The following POF1B variants were observed in gnomAD, a reference collection of about 807,000 sequenced individuals.
POF1B encodes the protein protein POF1B.
Under a neutral mutation model 55.3 loss-of-function variants are expected in POF1B, and 53 were observed. The observed-to-expected ratio is 0.96, with a 90% CI of 0.77 to 1.20. The LOEUF (loss-of-function observed/expected upper bound fraction) is 1.20. Ranked by LOEUF, POF1B falls within the 50% of genes most tolerant of loss-of-function variation. The pLI is 0.00. For missense variants in POF1B, 478 were observed against 420.5 expected (o/e 1.14, Z -1.20); for synonymous variants, 188 against 148.3 (o/e 1.27, Z -1.95).
intron 2 of POF1B, among the ~76,000 whole-genome samples, chrX:85,372,230 G>A (rs1933836420): frequency 1.8e-5 from 2 of 108,873 alleles, no homozygotes; most frequent in African/African-American, 6.7e-5. Context: ...TATATTCCCA[G>A]CTACTCAGGA....
chrX:85,283,209 GAATA>G (rs1258480908), intron 15 of POF1B, among the ~76,000 whole-genome samples: 2 of 111,190 alleles, frequency 1.8e-5, no homozygotes, highest in African/African-American at 3.3e-5. Flanking sequence ...AACGAAAAAT[GAATA>G]GTCATGCAAT....
At chrX:85,319,261 C>G (rs1031282471) in intron 7 of POF1B, among the ~76,000 whole-genome samples, 4 of 111,100 alleles carry the variant, frequency 3.6e-5, no homozygotes, top group African/African-American at 1.3e-4. Context: ...AATCAAGGAG[C>G]TTTTGGGCAG....
At chrX:85,354,207 C>T (rs1463282533) in intron 4 of POF1B, among the ~76,000 whole-genome samples, 1 of 110,685 alleles carries the variant, frequency 9.0e-6, no homozygotes, top group Non-Finnish European at 1.9e-5. Context: ...GTAAAAATGA[C>T]ACTTGTTTTA....
chrX:85,328,120 A>G (rs1205544551), intron 7 of POF1B, among the ~76,000 whole-genome samples: 1 of 110,940 alleles, frequency 9.0e-6, no homozygotes, highest in Non-Finnish European at 1.9e-5. Flanking sequence ...CTAGAATTAC[A>G]TTGGGCAGAA....
intron 5 of POF1B, among the ~76,000 whole-genome samples, chrX:85,349,605 G>A (rs939091971): frequency 1.8e-5 from 2 of 111,112 alleles, no homozygotes; most frequent in East Asian, 5.7e-4. Context: ...GGAAGATGAT[G>A]TGAAGACACA....
At chrX:85,283,383 GAAAT>G (rs1233118373) in intron 15 of POF1B, among the ~76,000 whole-genome samples, 1 of 109,731 alleles carries the variant, frequency 9.1e-6, no homozygotes, top group Non-Finnish European at 1.9e-5. Flanking sequence ...ACACAGGAGA[GAAAT>G]AGATAATATA....
intron 6 of POF1B, among the ~76,000 whole-genome samples, chrX:85,335,133 C>T (rs1439920442): frequency 9.0e-6 from 1 of 110,578 alleles, no homozygotes; most frequent in African/African-American, 3.3e-5. Flanking sequence ...TTAGAAGGGT[C>T]GTTTAGAGAT....
chrX:85,332,801 T>C (rs754781749), intron 6 of POF1B, among the ~76,000 whole-genome samples: 2 of 111,418 alleles, frequency 1.8e-5, no homozygotes, highest in African/African-American at 3.2e-5. Context: ...TAGATGAATA[T>C]ACCACAATGT....
At chrX:85,340,907 GAATTATTAAC>G (rs1933160574) in intron 6 of POF1B, among the ~76,000 whole-genome samples, 1 of 111,178 alleles carries the variant, frequency 9.0e-6, no homozygotes, top group South Asian at 3.7e-4. Context: ...AAAAATTAGA[GAATTATTAAC>G]ACCAGCAAAA....
intron 16 of POF1B, 48 bp downstream of exon 16, chrX:85,282,155 T>C (rs751896773): frequency 8.9e-7 from 1 of 1,122,059 alleles, no homozygotes; most frequent in Non-Finnish European, 1.2e-6. Flanking sequence ...TTTAAAAGGC[T>C]GTACATATAT....
intron 6 of POF1B, among the ~76,000 whole-genome samples, chrX:85,340,735 C>T (rs181302554): frequency 2.3e-4 from 25 of 110,254 alleles, no homozygotes; most frequent in Admixed American, 3.9e-4. Context: ...ACCAAAATGT[C>T]AGTAGAGAGT....
chrX:85,360,527 G>GTGTA (rs1555988251), intron 3 of POF1B, among the ~76,000 whole-genome samples: 8 of 58,522 alleles, frequency 1.4e-4, no homozygotes, highest in East Asian at 5.0e-4. Flanking sequence ...TCCATGGTAT[G>GTGTA]TATATATATA....
At chrX:85,308,353 G>A in intron 9 of POF1B, 137 bp from the exon 10 acceptor site, 1 of 341,895 alleles carries the variant, frequency 2.9e-6, no homozygotes. Context: ...GGTGATATAA[G>A]GCATTTTGTC....
intron 9 of POF1B, among the ~76,000 whole-genome samples, chrX:85,314,031 CA>C (rs1189548876): frequency 1.8e-5 from 2 of 110,271 alleles, no homozygotes; most frequent in African/African-American, 6.6e-5. Context: ...TCTGTGGGAT[CA>C]GTGGTGACAT....
intron 16 of POF1B, among the ~76,000 whole-genome samples, chrX:85,281,730 A>AAT (rs201694289): frequency 0.08 from 8,535 of 106,054 alleles, 808 homozygotes; most frequent in African/African-American, 0.26. Flanking sequence ...TAATATATAT[A>AAT]ATATATATAT....
chrX:85,362,577 T>G (rs1328118722), intron 3 of POF1B, among the ~76,000 whole-genome samples: 1 of 112,158 alleles, frequency 8.9e-6, no homozygotes, highest in African/African-American at 3.2e-5. Context: ...CAGTGTTGCA[T>G]CCCAGAAGTG....
intron 3 of POF1B, among the ~76,000 whole-genome samples, chrX:85,367,446 C>A (rs1933743927): frequency 8.9e-6 from 1 of 112,055 alleles, no homozygotes; most frequent in Non-Finnish European, 1.9e-5. Context: ...AAACTGCACT[C>A]AAACTAAAAG....
At chrX:85,283,657 T>C (rs1225826748) in intron 15 of POF1B, among the ~76,000 whole-genome samples, 1 of 110,294 alleles carries the variant, frequency 9.1e-6, no homozygotes, top group African/African-American at 3.3e-5. Context: ...CCAAATTATT[T>C]CCAAGCATGA....
chrX:85,355,738 A>G (rs1933481653), intron 4 of POF1B, among the ~76,000 whole-genome samples: 1 of 112,153 alleles, frequency 8.9e-6, no homozygotes, highest in Non-Finnish European at 1.9e-5. Context: ...TCAGAGAAAC[A>G]CAAATCAAAA....
Sources: allele counts gnomAD v4.1 joint callset (sites outside exome capture counted in the v4.1 genomes callset), GRCh38; gene constraint gnomAD v4.1.1; transcripts MANE v1.5; gene names NCBI Gene and HGNC (gene_info 2026-07-23, HGNC 2026-07-21).